AFM: variants seen among roughly 807,000 people sequenced by gnomAD.
The protein encoded by AFM is alpha-Alb.
A neutral mutation model predicts 68.7 loss-of-function variants in AFM; 82 were observed. The observed-to-expected ratio is 1.19, with a 90% CI of 1.00 to 1.43. The LOEUF (loss-of-function observed/expected upper bound fraction) is 1.43, where lower values mean the gene tolerates loss of function less well. Ranked by LOEUF, AFM falls within the 40% of genes most tolerant of loss-of-function variation. The pLI is 0.00. For missense variants in AFM, 772 were observed against 701.8 expected (o/e 1.10, Z -1.13); for synonymous variants, 250 against 234.2 (o/e 1.07, Z -0.61).
At chr4:73,482,513 T>C (rs1170009565) in intron 1 of AFM, among the ~76,000 whole-genome samples, 1 of 152,234 alleles carries the variant, frequency 6.6e-6, no homozygotes. Context: ...GCATGGATCG[T>C]GTCTTACGTG....
At chr4:73,491,101 G>A (rs1721057424) in intron 7 of AFM, among the ~76,000 whole-genome samples, 1 of 152,154 alleles carries the variant, frequency 6.6e-6, no homozygotes, top group Middle Eastern at 3.2e-3. Flanking sequence ...GGGAAATAAT[G>A]TGCAGTCTCA....
At chr4:73,491,757 A>G in intron 7 of AFM, 115 bp from the exon 8 acceptor site, 1 of 888,760 alleles carries the variant, frequency 1.1e-6, no homozygotes, top group Non-Finnish European at 1.8e-6. Flanking sequence ...TAGCAAATTA[A>G]TTGATGAAGT....
chr4:73,488,530 C>T (rs961059667), intron 6 of AFM, 100 bp from the exon 7 acceptor site: 17 of 1,017,622 alleles, frequency 1.7e-5, no homozygotes, highest in Non-Finnish European at 2.3e-5. Flanking sequence ...GCAATGGTGG[C>T]AATACTTTTT....
At chr4:73,498,551 A>G (rs113787683) in intron 10 of AFM, among the ~76,000 whole-genome samples, 10 of 152,292 alleles carry the variant, frequency 6.6e-5, no homozygotes, top group African/African-American at 2.4e-4. Context: ...CTTTGCTGGG[A>G]TTACAGGTGT....
In AFM at chr4:73,499,199, A is replaced by G. The variant is rs775012620; in HGVS notation, c.1375A>G (p.Thr459Ala). Residue 459 changes from threonine (T) to alanine (A), a missense_variant, in exon 11 of 15, where the codon ACT becomes GCT. Transcript: ENST00000226355. ...TGGCGAGAAAATGGTGACAGCTTTCACTACTTGCTGTACGCTAAGTGAAGA... is the reference window on the plus strand; with the variant it reads ...TGGCGAGAAAATGGTGACAGCTTTCGCTACTTGCTGTACGCTAAGTGAAGA... ...SLGEKMVTAF[T>A]TCCTLSEEFA... 3 of 1,613,106 alleles carry G rather than the reference A, an allele frequency of 1.9e-6. No individual in the cohort carries two copies. Among genetic ancestry groups the G allele is most frequent in the East Asian group, 2.2e-5 (1 of 44,834 alleles).
intron 12 of AFM, among the ~76,000 whole-genome samples, chr4:73,500,584 G>A (rs529524097): frequency 4.6e-5 from 7 of 152,252 alleles, no homozygotes; most frequent in Admixed American, 2.6e-4. Flanking sequence ...GGCCTAAAGG[G>A]CCAGGAAGTT....
chr4:73,500,628 C>T (rs957739586), intron 12 of AFM, among the ~76,000 whole-genome samples: 1 of 152,084 alleles, frequency 6.6e-6, no homozygotes, highest in Non-Finnish European at 1.5e-5. Context: ...CTTTAAAATG[C>T]CAGGAAATTA....
chr4:73,483,083 G>A (rs1720760487), intron 1 of AFM, among the ~76,000 whole-genome samples: 1 of 152,058 alleles, frequency 6.6e-6, no homozygotes, highest in Non-Finnish European at 1.5e-5. Context: ...TACTTCTCAA[G>A]ATTTCTTAAT....
intron 8 of AFM, 90 bp downstream of exon 8, chr4:73,492,176 G>A: frequency 8.4e-7 from 1 of 1,189,040 alleles, no homozygotes; most frequent in African/African-American, 1.6e-5. Flanking sequence ...GAAGGACATG[G>A]TACCGTTTAT....
At position 73,483,981 on chromosome 4, in the gene AFM, T is replaced by A. The variant is rs755873225; in HGVS notation, c.129T>A (p.Ile43=). Residue 43 remains isoleucine, a synonymous_variant, in exon 2 of 15, where the codon ATT becomes ATA. Coordinates refer to ENST00000226355, the MANE Select transcript of AFM (RefSeq NM_001133.2). The stretch of plus-strand genomic sequence containing the variant: ...CTCAAAAATTTATAGAAGATAATAT[T>A]GAATACATGTGAGTTGTGCTAAATA... ...NSTQKFIEDN[I]EYITIIAFAQ... 1 of 1,527,146 alleles carries A rather than the reference T, an allele frequency of 6.5e-7. No homozygotes were observed. The highest frequency in any genetic ancestry group is 2.3e-5 in the East Asian group (1 of 43,972). 94.6% of individuals were successfully genotyped at this position (1,527,146 alleles called of 1,614,324 possible). A position where few individuals can be genotyped will look rare whatever the true frequency, so the allele number is the denominator to read the frequency against.
intron 9 of AFM, among the ~76,000 whole-genome samples, chr4:73,497,003 C>T (rs2149346181): frequency 6.6e-6 from 1 of 152,156 alleles, no homozygotes; most frequent in African/African-American, 2.4e-5. Flanking sequence ...GTTTCTGATC[C>T]TTAAATTAAT....
intron 9 of AFM, among the ~76,000 whole-genome samples, chr4:73,497,421 G>T (rs1721284875): frequency 6.6e-6 from 1 of 152,006 alleles, no homozygotes; most frequent in South Asian, 2.1e-4. Flanking sequence ...ATATGTACAA[G>T]GTGATAATAA....
chr4:73,482,503 G>A (rs1036036457), intron 1 of AFM, among the ~76,000 whole-genome samples: 2 of 152,190 alleles, frequency 1.3e-5, no homozygotes, highest in African/African-American at 2.4e-5. Flanking sequence ...GGCCCTGAAG[G>A]CATGGATCGT....
chr4:73,502,031 T>C (rs2149347504), intron 13 of AFM, 112 bp downstream of exon 13: 2 of 1,178,838 alleles, frequency 1.7e-6, no homozygotes, highest in East Asian at 2.4e-5. Flanking sequence ...AGGACTACAT[T>C]TGAGAGCACA....
At chr4:73,483,549 A>G (rs1720773663) in intron 1 of AFM, among the ~76,000 whole-genome samples, 1 of 152,240 alleles carries the variant, frequency 6.6e-6, no homozygotes, top group African/African-American at 2.4e-5. Flanking sequence ...ATGCTACAGC[A>G]TCTCTCATCA....
At chr4:73,494,869 G>T (rs1054362027) in intron 8 of AFM, among the ~76,000 whole-genome samples, 1 of 152,188 alleles carries the variant, frequency 6.6e-6, no homozygotes, top group Non-Finnish European at 1.5e-5. Context: ...GGCAAAGCTT[G>T]CTCCCTATCT....
In AFM at chr4:73,485,971, A is replaced by G. The variant is rs758736794; in HGVS notation, c.380A>G (p.Tyr127Cys). 5.6e-6 allele frequency: 9 copies of G among 1,613,888 alleles called. 1 individual carries two copies. In the South Asian group the frequency reaches 8.8e-5, roughly 16 times the overall value. ...GCTCAAAGAAGACTCTGTTTCTTCT[A>G]TAACAAGAAATCTGATGTGGGATTT... is the stretch of plus-strand genomic sequence containing the variant. ...VDAQRRLCFF[Y>C]NKKSDVGFLP... The change falls in exon 4 of 15, where the codon TAT becomes TGT. Residue 127 changes from tyrosine to cysteine, a missense_variant. By Grantham distance (194) the Tyr-to-Cys change is radical (BLOSUM62 -2). Transcript: ENST00000226355.
chr4:73,495,614 A>G (rs2149345792), intron 9 of AFM, among the ~76,000 whole-genome samples, 182 bp downstream of exon 9: 1 of 152,368 alleles, frequency 6.6e-6, no homozygotes, highest in Middle Eastern at 3.4e-3. Flanking sequence ...TGGCTGATGC[A>G]TAATGTTTTG....
chr4:73,497,872 A>AT (rs887183682), intron 10 of AFM, 123 bp downstream of exon 10: 241 of 513,240 alleles, frequency 4.7e-4, no homozygotes, highest in South Asian at 8.8e-4. Flanking sequence ...TCTTGGAAGA[A>AT]TTTTTTTTTA....
Sources: allele counts gnomAD v4.1 joint callset (sites outside exome capture counted in the v4.1 genomes callset), GRCh38; gene constraint gnomAD v4.1.1; transcripts MANE v1.5; gene names NCBI Gene and HGNC (gene_info 2026-07-23, HGNC 2026-07-21).